SLC9C1: variants seen among roughly 807,000 people sequenced by gnomAD.
The protein encoded by SLC9C1 is solute carrier family 9 member C1.
In SLC9C1, 97 loss-of-function variants were observed where a neutral mutation model predicts 140.9. That is an observed-to-expected ratio of 0.69 (90% CI 0.58 to 0.82). SLC9C1 has a LOEUF of 0.82. SLC9C1 is among the 40% of genes least tolerant of loss of function. SLC9C1 has a pLI of 0.00. For synonymous variants in SLC9C1, 440 were observed against 442.6 expected, an observed-to-expected ratio of 0.99 and a Z score of 0.07; for missense variants, 1,340 against 1,389.3, an observed-to-expected ratio of 0.96 and a Z score of 0.56.
chr3:112,242,888 T>A (rs2079175542), intron 11 of SLC9C1, among the ~76,000 whole-genome samples: 1 of 152,128 alleles, frequency 6.6e-6, no homozygotes, highest in African/African-American at 2.4e-5. Context: ...AAAGAAGGCA[T>A]ACAAGTGGCC....
intron 28 of SLC9C1, 92 bp downstream of exon 28, chr3:112,151,765 T>A: frequency 1.1e-6 from 1 of 884,302 alleles, no homozygotes; most frequent in South Asian, 1.4e-5. Flanking sequence ...TAATTCACAC[T>A]ATCACATAAA....
intron 10 of SLC9C1, among the ~76,000 whole-genome samples, chr3:112,256,344 C>A (rs1029260744): frequency 1.3e-5 from 2 of 152,012 alleles, no homozygotes; most frequent in African/African-American, 2.4e-5. Context: ...ACTAGTAAAC[C>A]AAAATCCAGC....
At chr3:112,264,110 C>G in intron 9 of SLC9C1, 90 bp downstream of exon 9, 1 of 616,504 alleles carries the variant, frequency 1.6e-6, no homozygotes, top group Non-Finnish European at 2.3e-6. Flanking sequence ...ATTTTTCAAT[C>G]TAAGGTACGA....
intron 28 of SLC9C1, among the ~76,000 whole-genome samples, chr3:112,150,932 G>A (rs1426766590): frequency 2.7e-5 from 4 of 149,842 alleles, no homozygotes; most frequent in Non-Finnish European, 5.9e-5. Flanking sequence ...CCGCCGCCCA[G>A]GTTCAAGCGA....
chr3:112,256,903 C>T (rs2079622978), intron 10 of SLC9C1, among the ~76,000 whole-genome samples: 1 of 152,106 alleles, frequency 6.6e-6, no homozygotes, highest in Admixed American at 6.6e-5. Flanking sequence ...CATCAGCATT[C>T]TTATGCACCA....
At chr3:112,183,427 T>C (rs1289916873) in intron 20 of SLC9C1, among the ~76,000 whole-genome samples, 13 of 134,212 alleles carry the variant, frequency 9.7e-5, no homozygotes, top group Non-Finnish European at 2.0e-4. Flanking sequence ...CCCCACACAA[T>C]TCCAGCTCTG....
At chr3:112,158,102 G>A (rs2075178547) in intron 26 of SLC9C1, among the ~76,000 whole-genome samples, 2 of 151,894 alleles carry the variant, frequency 1.3e-5, no homozygotes, top group Admixed American at 1.3e-4. Flanking sequence ...AGATCTTAGT[G>A]GAAAAGCTTT....
At chr3:112,238,841 G>A (rs1363363582) in intron 12 of SLC9C1, among the ~76,000 whole-genome samples, 1 of 152,180 alleles carries the variant, frequency 6.6e-6, no homozygotes, top group Non-Finnish European at 1.5e-5. Context: ...GGGGTACCCG[G>A]CCATGTGAGG....
rs138594925 is a variant in SLC9C1 at position 112,186,055 on chromosome 3, T to G, written c.2524-3797A>C. 29 of 1,212,486 alleles carry G rather than the reference T, an allele frequency of 2.4e-5. No homozygotes were observed. In the East Asian group the frequency reaches 7.2e-4, roughly 30 times the overall value. The allele number at this position is 1,212,486 out of a possible 1,614,324, so 75.1% of individuals were successfully genotyped here. Reference sequence around the variant, plus strand: ...CATTTAAATATCTTCCGCTGCACAGTGCACTTTCAAATCTTTTGCCCATTA... The same window carrying G: ...CATTTAAATATCTTCCGCTGCACAGGGCACTTTCAAATCTTTTGCCCATTA... On this transcript the variant is annotated intron_variant, in intron 20 of 28. Transcript: ENST00000305815.
At chr3:112,277,463 T>C (rs2080245116) in intron 5 of SLC9C1, among the ~76,000 whole-genome samples, 1 of 151,998 alleles carries the variant, frequency 6.6e-6, no homozygotes, top group Non-Finnish European at 1.5e-5. Flanking sequence ...ACTAATCCCC[T>C]CCCCTATTCC....
intron 25 of SLC9C1, among the ~76,000 whole-genome samples, chr3:112,168,367 A>ACACAC (rs200097066): frequency 5.2e-3 from 278 of 53,096 alleles, no homozygotes; most frequent in Admixed American, 0.017. Flanking sequence ...ACACACACAC[A>ACACAC]ACTTCTTTCC....
intron 14 of SLC9C1, among the ~76,000 whole-genome samples, chr3:112,220,196 T>C (rs1197601179): frequency 6.6e-6 from 1 of 152,234 alleles, no homozygotes; most frequent in Admixed American, 6.5e-5. Context: ...TATAATGTCA[T>C]AATGATTTGT....
At chr3:112,268,092 C>T (rs2079973918) in intron 7 of SLC9C1, among the ~76,000 whole-genome samples, 2 of 152,218 alleles carry the variant, frequency 1.3e-5, no homozygotes, top group South Asian at 4.1e-4. Context: ...TAAGTATAAC[C>T]TTTAATCTTG....
chr3:112,209,049 A>C (rs771546612), intron 15 of SLC9C1, among the ~76,000 whole-genome samples: 2 of 152,210 alleles, frequency 1.3e-5, no homozygotes, highest in African/African-American at 2.4e-5. Flanking sequence ...TTAATATTTT[A>C]ATTATTCAAG....
At position 112,169,314 on chromosome 3, in the gene SLC9C1, G is replaced by T; in HGVS notation, c.2934C>A (p.Pro978=). The change falls in exon 24 of 29, where the codon CCC becomes CCA. Residue 978 remains proline (P), a synonymous_variant. Coordinates refer to ENST00000305815, the MANE Select transcript of SLC9C1 (RefSeq NM_183061.3). ...CKTVVETCFI[P]KTHLYDAFEQ... is the part of the protein sequence containing the mutation. Reference sequence around the variant, plus strand: ...CAAAAGCATCATACAAGTGAGTTTTGGGAATAAAACATGTCTGGAAAAGAA... The same window carrying T: ...CAAAAGCATCATACAAGTGAGTTTTTGGAATAAAACATGTCTGGAAAAGAA... 6.2e-7 allele frequency: 1 copy of T among 1,608,388 alleles called. No homozygotes were observed.
At chr3:112,271,300 A>C (rs572824729) in intron 6 of SLC9C1, among the ~76,000 whole-genome samples, 22 of 151,578 alleles carry the variant, frequency 1.5e-4, no homozygotes, top group African/African-American at 5.1e-4. Flanking sequence ...GGTATTTCAA[A>C]ATAACTAAGA....
chr3:112,155,403 A>G (rs1329894566), intron 26 of SLC9C1, among the ~76,000 whole-genome samples: 1 of 152,208 alleles, frequency 6.6e-6, no homozygotes, highest in African/African-American at 2.4e-5. Flanking sequence ...CATGTCTTCT[A>G]GGAGTTTTAA....
chr3:112,221,035 C>A lies in SLC9C1; in HGVS notation c.1670+93G>T, dbSNP rs2078526485. The A allele has an allele frequency of 6.2e-6, 6 of 969,864 alleles. No individual in the cohort carries two copies. The South Asian group carries it at 7.8e-5, about 13-fold the overall frequency. The allele number at this position is 969,864 out of a possible 1,614,324, so 60.1% of individuals were successfully genotyped here. On this transcript the variant is annotated intron_variant, in intron 14 of 28. Transcript: ENST00000305815. Reference sequence around the variant, plus strand: ...GTATTAATATTAATAGTAGAGGGAGCCAAGTTACCAGACAAAAACAAGAAA... The same window carrying A: ...GTATTAATATTAATAGTAGAGGGAGACAAGTTACCAGACAAAAACAAGAAA...
intron 15 of SLC9C1, among the ~76,000 whole-genome samples, chr3:112,208,950 C>T (rs769440038): frequency 7.9e-5 from 12 of 152,062 alleles, no homozygotes; most frequent in Non-Finnish European, 7.4e-5. Flanking sequence ...CAAATTTTAT[C>T]ACAAAATTTA....
Sources: gnomAD v4.1 joint callset for allele counts (sites outside exome capture counted in the v4.1 genomes callset) on GRCh38, gnomAD v4.1.1 for gene constraint, MANE v1.5 for transcripts, NCBI Gene and HGNC (gene_info 2026-07-23, HGNC 2026-07-21) for gene names.